The following CEACAM8 variants were observed in gnomAD, a reference collection of about 807,000 sequenced individuals.
CEACAM8 encodes CEA cell adhesion molecule 8, also known as cell adhesion molecule CEACAM8.
In CEACAM8, 31 loss-of-function variants were observed where a neutral mutation model predicts 33.4. The observed-to-expected ratio is 0.93, with a 90% CI of 0.70 to 1.25. The LOEUF (loss-of-function observed/expected upper bound fraction) is 1.25, where lower values mean the gene tolerates loss of function less well. CEACAM8 is among the 50% of genes most tolerant of loss of function. The pLI, the probability that CEACAM8 is intolerant of heterozygous loss-of-function variation, is 0.00. For synonymous variants in CEACAM8, 138 were observed against 164.5 expected (o/e 0.84, Z 1.23); for missense variants, 388 against 434.6 (o/e 0.89, Z 0.95).
At position 42,588,790 on chromosome 19, in the gene CEACAM8, CTG is replaced by C. The variant is rs916010743; in HGVS notation, c.950_951del (p.Thr317SerfsTer3). The C allele has an allele frequency of 7.4e-6, 12 of 1,614,034 alleles. No homozygotes were observed. Among genetic ancestry groups the C allele is most frequent in the East Asian group, 2.2e-5 (1 of 44,898 alleles). ...GCTCCAGGGATCCACTTACCAGAGACTGTGATCATCCTGACTGTGGTCCTGTT... is the reference window on the plus strand; with the variant it reads ...GCTCCAGGGATCCACTTACCAGAGACTGATCATCCTGACTGTGGTCCTGTT... ...GRNRTTVRMI[T>X]VSDALVQGSS... On this transcript the variant is annotated frameshift_variant, in exon 4 of 6. Coordinates refer to ENST00000244336, the MANE Select transcript of CEACAM8 (RefSeq NM_001816.4). LOFTEE classifies it high-confidence loss of function.
intron 1 of CEACAM8, 25 bp from the exon 2 acceptor site, chr19:42,593,925 CAA>C: frequency 6.5e-7 from 1 of 1,546,618 alleles, no homozygotes; most frequent in Non-Finnish European, 8.7e-7. Flanking sequence ...GAGCATCAAG[CAA>C]TATTGCAACA....
chr19:42,587,802 C>G (rs976318817), intron 4 of CEACAM8, among the ~76,000 whole-genome samples: 1 of 152,048 alleles, frequency 6.6e-6, no homozygotes, highest in Non-Finnish European at 1.5e-5. Context: ...TTCGGGAGTT[C>G]GAGACCAGCC....
intron 2 of CEACAM8, among the ~76,000 whole-genome samples, chr19:42,593,062 G>T (rs1302616606): frequency 2.0e-5 from 3 of 152,232 alleles, no homozygotes; most frequent in Non-Finnish European, 4.4e-5. Context: ...TTTGCTCCTA[G>T]TTGGCCCTGC....
intron 5 of CEACAM8, among the ~76,000 whole-genome samples, chr19:42,582,203 A>T (rs1360082905): frequency 6.6e-6 from 1 of 151,610 alleles, no homozygotes; most frequent in South Asian, 2.1e-4. Context: ...CCTGGGTCCC[A>T]CTCCAGATAG....
chr19:42,589,849 G>A, intron 2 of CEACAM8, 114 bp from the exon 3 acceptor site: 7 of 1,566,064 alleles, frequency 4.5e-6, no homozygotes, highest in Non-Finnish European at 6.1e-6. Context: ...GTCCTTAAAA[G>A]CCCACGGTGG....
chr19:42,591,557 G>C (rs1213030581), intron 2 of CEACAM8, among the ~76,000 whole-genome samples: 1 of 152,218 alleles, frequency 6.6e-6, no homozygotes, highest in Non-Finnish European at 1.5e-5. Flanking sequence ...GCCCAAAACA[G>C]GTATGCGCAA....
Position 42,593,659 on chromosome 19 carries a change from G to T in CEACAM8, c.306C>A (p.Tyr102Ter), listed in dbSNP as rs1023755868. ...GPAYSNRETI[Y>*]PNASLLMRNV... ...TCCGCATCAGCAGGGATGCATTGGG[G>T]TATATTGTCTCTCGATTGCTGTATG... is the stretch of plus-strand genomic sequence containing the variant. The change falls in exon 2 of 6, where the codon TAC (tyrosine) becomes TAA (stop). Residue 102 changes from tyrosine to a stop codon, truncating the protein, a stop_gained. Coordinates refer to ENST00000244336, the MANE Select transcript of CEACAM8 (RefSeq NM_001816.4). LOFTEE classifies it high-confidence loss of function. 3 of 1,614,098 alleles carry T rather than the reference G, an allele frequency of 1.9e-6. No individual in the cohort carries two copies. Among genetic ancestry groups the T allele is most frequent in the South Asian group, 1.1e-5 (1 of 91,082 alleles).
At position 42,589,504 on chromosome 19, in the gene CEACAM8, T is replaced by C. The variant is rs748376958; in HGVS notation, c.656A>G (p.Asn219Ser). 1 of 1,614,074 alleles carries C rather than the reference T, an allele frequency of 6.2e-7. No homozygotes were observed. The highest frequency in any genetic ancestry group is 1.3e-5 in the African/African-American group (1 of 74,920). The part of the protein sequence containing the change: ...DVGPYECEIQ[N>S]PASANFSDPV... ...GTCACTGAAGTTTGCACTCGCTGGG[T>C]TCTGTATTTCACATTCATAGGGTCC... Residue 219 changes from asparagine to serine, a missense_variant, in exon 3 of 6, where the codon AAC becomes AGC. Transcript: ENST00000244336.
intron 2 of CEACAM8, among the ~76,000 whole-genome samples, chr19:42,592,253 G>T (rs1194203286): frequency 6.6e-6 from 1 of 152,070 alleles, no homozygotes; most frequent in Non-Finnish European, 1.5e-5. Context: ...GTGTGACCCT[G>T]GTTCAGTGAC....
At chr19:42,587,794 C>T (rs2042361316) in intron 4 of CEACAM8, among the ~76,000 whole-genome samples, 3 of 152,134 alleles carry the variant, frequency 2.0e-5, no homozygotes, top group South Asian at 2.1e-4. Context: ...CACCTGAGTT[C>T]GGGAGTTCGA....
At chr19:42,588,220 C>A (rs888591949) in intron 4 of CEACAM8, among the ~76,000 whole-genome samples, 2 of 152,142 alleles carry the variant, frequency 1.3e-5, no homozygotes, top group African/African-American at 2.4e-5. Context: ...TTGGGATAGG[C>A]CACCTGAGCA....
chr19:42,590,039 G>A (rs2042408517), intron 2 of CEACAM8, among the ~76,000 whole-genome samples: 1 of 152,300 alleles, frequency 6.6e-6, no homozygotes, highest in African/African-American at 2.4e-5. Flanking sequence ...CTCCCTGACC[G>A]GCTGCCTGCC....
chr19:42,591,470 C>T (rs905035839), intron 2 of CEACAM8, among the ~76,000 whole-genome samples: 1 of 152,132 alleles, frequency 6.6e-6, no homozygotes, highest in African/African-American at 2.4e-5. Flanking sequence ...TTAGGAGAAG[C>T]GATGTGTGTT....
chr19:42,585,962 G>A (rs909962492), intron 4 of CEACAM8, among the ~76,000 whole-genome samples: 2 of 151,766 alleles, frequency 1.3e-5, no homozygotes, highest in Admixed American at 6.6e-5. Context: ...AATCTAAAAA[G>A]GAAATTAAGA....
intron 5 of CEACAM8, among the ~76,000 whole-genome samples, chr19:42,581,946 T>TATATATATATAA (rs765190705): frequency 5.9e-5 from 5 of 84,086 alleles, no homozygotes; most frequent in South Asian, 4.2e-4. Context: ...TATATATATA[T>TATATATATATAA]AAAATAAGGT....
chr19:42,589,000 AG>A lies in CEACAM8; in HGVS notation c.741del (p.Tyr248IlefsTer6). On this transcript the variant is annotated frameshift_variant, in exon 4 of 6. Coordinates refer to ENST00000244336, the MANE Select transcript of CEACAM8 (RefSeq NM_001816.4). LOFTEE classifies it high-confidence loss of function. ...PDAPTISPSDTYYHAGVNLNL... is the reference protein window; with the variant it reads ...PDAPTISPSDXYYHAGVNLNL... Reference sequence around the variant, plus strand: ...TTGAGATTTACCCCTGCATGGTAATAGGTGTCTGAAGGGGAAATGGTGGGGG... The same window carrying A: ...TTGAGATTTACCCCTGCATGGTAATAGTGTCTGAAGGGGAAATGGTGGGGG... 1.2e-6 allele frequency: 2 copies of A among 1,614,110 alleles called. No homozygotes were observed. The highest frequency in any genetic ancestry group is 1.7e-6 in the Non-Finnish European group (2 of 1,179,944).
At chr19:42,591,330 A>T (rs1489145272) in intron 2 of CEACAM8, among the ~76,000 whole-genome samples, 1 of 152,222 alleles carries the variant, frequency 6.6e-6, no homozygotes, top group Non-Finnish European at 1.5e-5. Flanking sequence ...TCAAAGGAAG[A>T]TCCTGAAGTT....
chr19:42,588,797 C>T lies in CEACAM8; in HGVS notation c.945G>A (p.Met315Ile), dbSNP rs751855396. The T allele has an allele frequency of 1.7e-4, 270 of 1,614,016 alleles. No individual in the cohort carries two copies. Among genetic ancestry groups the T allele is most frequent in the Non-Finnish European group, 2.1e-4 (251 of 1,179,992 alleles). ...GGATCCACTTACCAGAGACTGTGAT[C>T]ATCCTGACTGTGGTCCTGTTGCGGC... ...ATGRNRTTVR[M>I]ITVSDALVQG... Residue 315 changes from methionine to isoleucine, a missense_variant, in exon 4 of 6, where the codon ATG (methionine) becomes ATA (isoleucine). By Grantham distance (10) the Met-to-Ile change is conservative. Transcript: ENST00000244336.
chr19:42,581,888 C>CAAAAAAAA lies in CEACAM8; in HGVS notation c.*41-543_*41-536dup. On this transcript the variant is annotated intron_variant, in intron 5 of 5. Transcript: ENST00000244336. ...CTGGCGACGGAGCGAGACTCCGTCT[C>CAAAAAAAA]AAAAAAAAAAAAAAAAAAAAAAAAA... 4.3e-4 allele frequency among the ~76,000 whole-genome samples: 6 copies of CAAAAAAAA among 13,886 alleles called. 2 individuals are homozygous for CAAAAAAAA. Among genetic ancestry groups the CAAAAAAAA allele is most frequent in the Non-Finnish European group, 5.7e-4 (4 of 7,028 alleles). The allele number at this position is 13,886 out of a possible 152,430, so 9.1% of individuals were successfully genotyped here. A position where few individuals can be genotyped will look rare whatever the true frequency, so the allele number is the denominator to read the frequency against.
Sources: allele counts gnomAD v4.1 joint callset (sites outside exome capture counted in the v4.1 genomes callset), GRCh38; gene constraint gnomAD v4.1.1; transcripts MANE v1.5; gene names NCBI Gene and HGNC (gene_info 2026-07-23, HGNC 2026-07-21).